Variants in SMARCC1 observed in about 807,000 individuals in gnomAD.
SMARCC1 encodes SWI/SNF related BAF chromatin remodeling complex subunit C1.
A neutral mutation model predicts 147.4 loss-of-function variants in SMARCC1; 43 were observed. The ratio of observed to expected loss-of-function variants is 0.29; its 90% CI spans 0.23 to 0.38. The LOEUF (loss-of-function observed/expected upper bound fraction) is 0.38. Among genes scored for constraint, SMARCC1 ranks in the 10% least tolerant of loss-of-function variants. The pLI, the probability that SMARCC1 is intolerant of heterozygous loss-of-function variation, is 1.00. For missense variants in SMARCC1, 1,119 were observed against 1,381.1 expected, an observed-to-expected ratio of 0.81 and a Z score of 3.01; for synonymous variants, 495 against 484.4, an observed-to-expected ratio of 1.02 and a Z score of -0.29.
intron 18 of SMARCC1, among the ~76,000 whole-genome samples, chr3:47,673,445 C>T (rs1205521744): frequency 1.4e-5 from 2 of 146,946 alleles, no homozygotes; most frequent in African/African-American, 2.5e-5. Context: ...CAGAGCACAC[C>T]GGGAGGCCAA....
intron 19 of SMARCC1, chr3:47,664,017 C>T (rs1484156094): frequency 1.3e-6 from 1 of 750,128 alleles, no homozygotes; most frequent in Middle Eastern, 2.6e-4. Flanking sequence ...GGACTTACTC[C>T]CTCCTCTCCT....
intron 7 of SMARCC1, among the ~76,000 whole-genome samples, chr3:47,714,750 C>T (rs2034134848): frequency 6.6e-6 from 1 of 152,100 alleles, no homozygotes; most frequent in African/African-American, 2.4e-5. Flanking sequence ...ACTGAGATCA[C>T]ACCACTGCAC....
chr3:47,609,637 A>T (rs967917029), intron 26 of SMARCC1, among the ~76,000 whole-genome samples: 5 of 152,258 alleles, frequency 3.3e-5, no homozygotes, highest in African/African-American at 4.8e-5. Flanking sequence ...GGGGATTATC[A>T]TACTATTCTC....
At chr3:47,724,590 C>T (rs532107347) in intron 6 of SMARCC1, among the ~76,000 whole-genome samples, 16 of 152,168 alleles carry the variant, frequency 1.1e-4, no homozygotes, top group Admixed American at 2.6e-4. Flanking sequence ...GTTTTAAGTT[C>T]ATCCACTATT....
chr3:47,682,263 C>A (rs1293796663), intron 14 of SMARCC1, among the ~76,000 whole-genome samples: 1 of 149,838 alleles, frequency 6.7e-6, no homozygotes, highest in Non-Finnish European at 1.5e-5. Flanking sequence ...CCACTGCACT[C>A]CAGCCTGGGG....
intron 3 of SMARCC1, among the ~76,000 whole-genome samples, chr3:47,739,142 G>A (rs1406236010): frequency 1.3e-5 from 2 of 152,182 alleles, no homozygotes; most frequent in Admixed American, 1.3e-4. Flanking sequence ...AGAGCTTAGT[G>A]ACTGAAAGTA....
chr3:47,688,201 G>C (rs2033751485), intron 13 of SMARCC1, among the ~76,000 whole-genome samples: 1 of 151,966 alleles, frequency 6.6e-6, no homozygotes, highest in Non-Finnish European at 1.5e-5. Flanking sequence ...CGGAGGTTGT[G>C]GTGAGCCTAG....
At chr3:47,668,231 CAAACTTT>C (rs961647299) in intron 19 of SMARCC1, among the ~76,000 whole-genome samples, 1 of 152,024 alleles carries the variant, frequency 6.6e-6, no homozygotes, top group Non-Finnish European at 1.5e-5. Flanking sequence ...TTTTTTACCT[CAAACTTT>C]AGACTTTATA....
chr3:47,716,741 A>G (rs1364028172), intron 7 of SMARCC1, among the ~76,000 whole-genome samples: 1 of 152,206 alleles, frequency 6.6e-6, no homozygotes, highest in Non-Finnish European at 1.5e-5. Flanking sequence ...GAAATATTAA[A>G]AGGTGTTTTT....
At position 47,632,886 on chromosome 3, in the gene SMARCC1, G is replaced by T. The variant is rs189419302; in HGVS notation, c.2646+2304C>A. On this transcript the variant is annotated intron_variant, in intron 24 of 27. Transcript: ENST00000254480. ...AATTGCAGCCAGAGAGAGATAGGGA[G>T]GTTACTGAAGAAAGTAACATGTTCC... 5.5e-3 allele frequency among the ~76,000 whole-genome samples: 837 copies of T among 151,802 alleles called. 5 individuals carry two copies. The highest frequency in any genetic ancestry group is 8.9e-3 in the Non-Finnish European group (608 of 67,956).
chr3:47,766,268 TA>T (rs779221268), intron 2 of SMARCC1, among the ~76,000 whole-genome samples: 1 of 151,870 alleles, frequency 6.6e-6, no homozygotes. Context: ...AAATGCAGAA[TA>T]AAAAAACAGC....
At chr3:47,644,889 G>C (rs967107528) in intron 21 of SMARCC1, among the ~76,000 whole-genome samples, 1 of 152,138 alleles carries the variant, frequency 6.6e-6, no homozygotes, top group African/African-American at 2.4e-5. Context: ...ATTAATTTCT[G>C]TATTTCTCAG....
intron 14 of SMARCC1, among the ~76,000 whole-genome samples, chr3:47,682,503 A>G (rs1412673072): frequency 6.6e-6 from 1 of 152,092 alleles, no homozygotes; most frequent in Admixed American, 6.5e-5. Flanking sequence ...GCGACCCACC[A>G]GCCTCAGCCT....
intron 11 of SMARCC1, among the ~76,000 whole-genome samples, chr3:47,694,757 A>G (rs2033828092): frequency 6.6e-6 from 1 of 152,210 alleles, no homozygotes; most frequent in Non-Finnish European, 1.5e-5. Flanking sequence ...GAAAATAGTG[A>G]TTTGAAGAAC....
intron 2 of SMARCC1, among the ~76,000 whole-genome samples, chr3:47,762,492 T>C (rs1037920588): frequency 1.3e-5 from 2 of 152,248 alleles, no homozygotes; most frequent in Non-Finnish European, 2.9e-5. Context: ...GTGACTCATC[T>C]AAAACATCCC....
At chr3:47,688,504 A>T (rs1046332171) in intron 13 of SMARCC1, among the ~76,000 whole-genome samples, 1 of 152,164 alleles carries the variant, frequency 6.6e-6, no homozygotes, top group African/African-American at 2.4e-5. Context: ...AAATTATTTC[A>T]AGAAGATTGG....
At chr3:47,748,249 T>C (rs930342882) in intron 2 of SMARCC1, among the ~76,000 whole-genome samples, 7 of 152,190 alleles carry the variant, frequency 4.6e-5, no homozygotes, top group Non-Finnish European at 8.8e-5. Flanking sequence ...GGTCTCACTG[T>C]GTTGCTCAGG....
chr3:47,619,855 C>A (rs1262474218), intron 25 of SMARCC1, among the ~76,000 whole-genome samples: 1 of 152,126 alleles, frequency 6.6e-6, no homozygotes, highest in African/African-American at 2.4e-5. Flanking sequence ...GCCAGCTGGT[C>A]TTAGGACAAA....
chr3:47,767,177 T>A (rs1464850414), intron 2 of SMARCC1, among the ~76,000 whole-genome samples: 1 of 121,292 alleles, frequency 8.2e-6, no homozygotes, highest in African/African-American at 2.9e-5. Flanking sequence ...AGCATGATTC[T>A]GTCTCCAAAA....
Sources: allele counts gnomAD v4.1 joint callset (sites outside exome capture counted in the v4.1 genomes callset), GRCh38; gene constraint gnomAD v4.1.1; transcripts MANE v1.5; gene names NCBI Gene and HGNC (gene_info 2026-07-23, HGNC 2026-07-21).